APLP2: variants seen among roughly 807,000 people sequenced by gnomAD.
APLP2 encodes the protein CDEI box-binding protein.
In APLP2, 53 loss-of-function variants were observed where a neutral mutation model predicts 89.9. The observed-to-expected ratio is 0.59, with a 90% CI of 0.47 to 0.74. The LOEUF (loss-of-function observed/expected upper bound fraction) is 0.74, where lower values mean the gene tolerates loss of function less well. Among genes scored for constraint, APLP2 ranks in the 30% least tolerant of loss-of-function variants. APLP2 has a pLI of 0.00. For synonymous variants in APLP2, 372 were observed against 348.6 expected (o/e 1.07, Z -0.75); for missense variants, 973 against 975.9 (o/e 1.00, Z 0.04).
chr11:130,142,116 C>T (rs902097597), intron 16 of APLP2, 42 bp downstream of exon 16: 1 of 1,564,168 alleles, frequency 6.4e-7, no homozygotes, highest in African/African-American at 1.3e-5. Context: ...GCACTGTGGG[C>T]TGGGTTGGGG....
At position 130,141,716 on chromosome 11, in the gene APLP2, G is replaced by A. The variant is rs527873958; in HGVS notation, c.1998+144G>A. ...CCCAGCTTTCCGTACTTTTGGATAA[G>A]AAAGCTAAAATTAAAATCTCCATGG... On this transcript the variant is annotated intron_variant, in intron 15 of 16. Transcript: ENST00000338167. The surrounding 1 kb of genome is among the most constrained non-coding windows in gnomAD (Gnocchi z 4.2). 50 of 934,270 alleles carry A rather than the reference G, an allele frequency of 5.4e-5. 1 individual carries two copies. The South Asian group carries it at 8.6e-4, about 16-fold the overall frequency. The allele number at this position is 934,270 out of a possible 1,614,324, so 57.9% of individuals were successfully genotyped here.
chr11:130,142,392 A>C (rs1952528558), intron 16 of APLP2, among the ~76,000 whole-genome samples: 1 of 150,904 alleles, frequency 6.6e-6, no homozygotes, highest in East Asian at 2.0e-4. Flanking sequence ...TTTTTTTTTT[A>C]ATGGGGGAAA....
rs117941071 is a variant in APLP2 at position 130,142,534 on chromosome 11, A to G, written c.2154+460A>G. 9.2e-5 allele frequency among the ~76,000 whole-genome samples: 14 copies of G among 152,276 alleles called. 1 individual carries two copies. The East Asian group carries it at 2.5e-3, about 27-fold the overall frequency. On this transcript the variant is annotated intron_variant, in intron 16 of 16. Coordinates refer to ENST00000338167, the MANE Select transcript of APLP2 (RefSeq NM_001142276.2). ...GTCCAGAGTCCCTTGATCCCCAAAT[A>G]TAAATACAGTAAGGACCTTAATGAG...
intron 3 of APLP2, among the ~76,000 whole-genome samples, chr11:130,120,393 T>C (rs972950370): frequency 3.3e-5 from 5 of 152,170 alleles, no homozygotes; most frequent in African/African-American, 1.2e-4. Context: ...AGTAGCTGTG[T>C]GTGTCTGAGG....
At chr11:130,075,392 G>C (rs563549530) in intron 1 of APLP2, among the ~76,000 whole-genome samples, 1 of 152,282 alleles carries the variant, frequency 6.6e-6, no homozygotes, top group South Asian at 2.1e-4. Flanking sequence ...AAAATTAGCT[G>C]ACTTTCATTT....
Position 130,070,027 on chromosome 11 carries a change from T to C in APLP2, c.50T>C (p.Leu17Pro), listed in dbSNP as rs749748048. 4 of 1,514,214 alleles carry C rather than the reference T, an allele frequency of 2.6e-6. No individual in the cohort carries two copies. The highest frequency in any genetic ancestry group is 3.5e-6 in the Non-Finnish European group (4 of 1,138,532). 93.8% of individuals were successfully genotyped at this position (1,514,214 alleles called of 1,614,324 possible). ...AAAAATGRLLLLLLVGLTAPA... is the reference protein window; with the variant it reads ...AAAAATGRLLPLLLVGLTAPA... ...GCCGCAGCCACGGGCAGGCTCCTGC[T>C]TCTGCTGCTGGTGGGGCTCACGGCG... is the stretch of plus-strand genomic sequence containing the variant. Residue 17 changes from leucine (L) to proline (P), a missense_variant, in exon 1 of 17, where the codon CTT (leucine) becomes CCT (proline). Coordinates refer to ENST00000338167, the MANE Select transcript of APLP2 (RefSeq NM_001142276.2).
chr11:130,104,651 A>G (rs1365771865), intron 1 of APLP2, among the ~76,000 whole-genome samples: 1 of 152,140 alleles, frequency 6.6e-6, no homozygotes, highest in Non-Finnish European at 1.5e-5. Context: ...CTTCCTACAC[A>G]TATCTTTAGG....
intron 3 of APLP2, among the ~76,000 whole-genome samples, chr11:130,113,205 A>G (rs1181815387): frequency 6.6e-6 from 1 of 152,240 alleles, no homozygotes; most frequent in Non-Finnish European, 1.5e-5. Context: ...AATATCGGAT[A>G]TACTGTTTAC....
chr11:130,108,879 T>A (rs6590444), intron 1 of APLP2: 24,668 of 152,098 alleles, frequency 0.16, 3,636 homozygotes, highest in East Asian at 0.43. Flanking sequence ...CATAAAAAGG[T>A]TGAGTTCATG....
intron 1 of APLP2, among the ~76,000 whole-genome samples, chr11:130,074,779 C>G (rs1941811022): frequency 6.6e-6 from 1 of 152,106 alleles, no homozygotes; most frequent in African/African-American, 2.4e-5. Flanking sequence ...CATATTGAAG[C>G]CAGCACCTAA....
At position 130,130,178 on chromosome 11, in the gene APLP2, G is replaced by A. The variant is rs768128030; in HGVS notation, c.1584+12G>A. ...AGATGAAATCCCAGGTACAGTAGAT[G>A]TAGTAGAAATTGCTGCCGTGAGGGC... On this transcript the variant is annotated intron_variant, in intron 11 of 16. Transcript: ENST00000338167. 8 of 1,614,118 alleles carry A rather than the reference G, an allele frequency of 5.0e-6. No individual in the cohort carries two copies. In the African/African-American group the frequency reaches 6.7e-5, roughly 13 times the overall value.
chr11:130,118,347 A>G (rs1020868233), intron 3 of APLP2, among the ~76,000 whole-genome samples: 1 of 152,196 alleles, frequency 6.6e-6, no homozygotes. Context: ...ACAAACCCAC[A>G]TGTGGAACAA....
chr11:130,121,505 C>T, intron 4 of APLP2, 109 bp from the exon 5 acceptor site: 1 of 1,324,180 alleles, frequency 7.6e-7, no homozygotes, highest in Non-Finnish European at 9.9e-7. Flanking sequence ...TAAGAGAAAG[C>T]ATTGCTAAGT....
Position 130,135,477 on chromosome 11 carries a change from G to A in APLP2, c.1685-86G>A, listed in dbSNP as rs539704097. On this transcript the variant is annotated intron_variant, in intron 12 of 16. Transcript: ENST00000338167. ...TCAGGCAGGAACTGGGAGCCACAGT[G>A]GGGTCTTGGAGCTCTAGAGCATCCT... The A allele has an allele frequency of 5.7e-4, 820 of 1,437,520 alleles. 2 individuals carry two copies. The highest frequency in any genetic ancestry group is 1.1e-3 in the Admixed American group (55 of 48,886). 89.0% of individuals were successfully genotyped at this position (1,437,520 alleles called of 1,614,324 possible). A position where few individuals can be genotyped will look rare whatever the true frequency, so the allele number is the denominator to read the frequency against.
chr11:130,094,261 C>G (rs1464548884), intron 1 of APLP2, among the ~76,000 whole-genome samples: 1 of 151,684 alleles, frequency 6.6e-6, no homozygotes. Flanking sequence ...CCATGTTGGT[C>G]AGGCTGTTCT....
intron 1 of APLP2, among the ~76,000 whole-genome samples, chr11:130,086,489 T>A (rs1944143713): frequency 6.6e-6 from 1 of 152,226 alleles, no homozygotes; most frequent in Non-Finnish European, 1.5e-5. Flanking sequence ...CTCTCAATAG[T>A]GTCCTTTGAT....
intron 11 of APLP2, 137 bp downstream of exon 11, chr11:130,130,303 C>A: frequency 1.7e-6 from 2 of 1,206,942 alleles, no homozygotes; most frequent in Non-Finnish European, 2.3e-6. Context: ...TTTCCGAAGA[C>A]ATTCGGTACG....
chr11:130,103,333 A>G (rs915432611), intron 1 of APLP2, among the ~76,000 whole-genome samples: 1 of 151,994 alleles, frequency 6.6e-6, no homozygotes, highest in Non-Finnish European at 1.5e-5. Context: ...GACCACAAGG[A>G]TTAATCTTTC....
Position 130,070,732 on chromosome 11 carries a change from A to G in APLP2, c.105+650A>G. 3 of 1,460,408 alleles carry G rather than the reference A, an allele frequency of 2.1e-6. 1 individual carries two copies. In the South Asian group the frequency reaches 3.9e-5, roughly 19 times the overall value. The allele number at this position is 1,460,408 out of a possible 1,614,324, so 90.5% of individuals were successfully genotyped here. The stretch of plus-strand genomic sequence containing the variant: ...GCTGTTTGCCTGCGTCCGTAGACCG[A>G]GGAAACCCGCTCTGGGTGCGTTGAC... On this transcript the variant is annotated intron_variant, in intron 1 of 16. Transcript: ENST00000338167.
Sources: allele counts gnomAD v4.1 joint callset (sites outside exome capture counted in the v4.1 genomes callset), GRCh38; gene constraint gnomAD v4.1.1; non-coding constraint Gnocchi (gnomAD v3.1); transcripts MANE v1.5; gene names NCBI Gene and HGNC (gene_info 2026-07-23, HGNC 2026-07-21).